Variants in CCDC171 observed in about 807,000 individuals in gnomAD.
The protein encoded by CCDC171 is coiled-coil domain containing 171.
Under a neutral mutation model 168.2 loss-of-function variants are expected in CCDC171, and 177 were observed. The observed-to-expected ratio is 1.05, with a 90% CI of 0.93 to 1.19. The LOEUF is 1.19. CCDC171 is among the 50% of genes most tolerant of loss of function. CCDC171 has a pLI of 0.00. For missense variants in CCDC171, 1,991 were observed against 1,539.0 expected (o/e 1.29, Z -4.91); for synonymous variants, 687 against 540.8 (o/e 1.27, Z -3.75).
chr9:15,946,054 A>G (rs200388033), intron 25 of CCDC171, among the ~76,000 whole-genome samples: 1 of 151,794 alleles, frequency 6.6e-6, no homozygotes, highest in Non-Finnish European at 1.5e-5. Context: ...AATTGATTTT[A>G]GTATAAGGTG....
intron 23 of CCDC171, among the ~76,000 whole-genome samples, chr9:15,859,965 C>T (rs756535096): frequency 6.6e-6 from 1 of 151,790 alleles, no homozygotes; most frequent in Non-Finnish European, 1.5e-5. Context: ...CCACACCCAG[C>T]CTCTGTTCAA....
At chr9:15,947,894 A>G (rs955668713) in intron 25 of CCDC171, among the ~76,000 whole-genome samples, 2 of 151,826 alleles carry the variant, frequency 1.3e-5, no homozygotes, top group Non-Finnish European at 2.9e-5. Context: ...TTACATATGT[A>G]TACATGTGCC....
At chr9:15,906,236 A>G (rs1211586755) in intron 24 of CCDC171, among the ~76,000 whole-genome samples, 1 of 152,188 alleles carries the variant, frequency 6.6e-6, no homozygotes. Flanking sequence ...AGAATTTTAG[A>G]CCAATGTCCT....
chr9:15,916,400 C>G (rs1824517827), intron 24 of CCDC171, among the ~76,000 whole-genome samples: 1 of 75,288 alleles, frequency 1.3e-5, no homozygotes, highest in Non-Finnish European at 3.7e-5. Flanking sequence ...ATGTGTTTTA[C>G]ACAATATATT....
At chr9:15,691,482 C>G (rs2050772546) in intron 10 of CCDC171, among the ~76,000 whole-genome samples, 1 of 141,244 alleles carries the variant, frequency 7.1e-6, no homozygotes, top group Non-Finnish European at 1.5e-5. Context: ...GCATAATATA[C>G]TCAAAGAATT....
intron 6 of CCDC171, among the ~76,000 whole-genome samples, chr9:15,614,876 G>GA (rs1403725444): frequency 1.3e-5 from 2 of 152,084 alleles, no homozygotes; most frequent in Non-Finnish European, 2.9e-5. Flanking sequence ...TTAAGAAGTA[G>GA]AAAATAGAAA....
downstream of CCDC171, among the ~76,000 whole-genome samples, chr9:16,063,002 C>T (rs1014390694): frequency 8.6e-5 from 13 of 152,042 alleles, no homozygotes; most frequent in African/African-American, 3.1e-4. Flanking sequence ...AAGTATGCTC[C>T]TTGGAGTTAG....
At chr9:15,768,243 T>C (rs922842819) in intron 18 of CCDC171, among the ~76,000 whole-genome samples, 2 of 152,138 alleles carry the variant, frequency 1.3e-5, no homozygotes, top group African/African-American at 4.8e-5. Flanking sequence ...ACCCATTTTC[T>C]TAGGCCCAAA....
chr9:15,688,356 C>A (rs1230619570), intron 10 of CCDC171, among the ~76,000 whole-genome samples: 1 of 152,042 alleles, frequency 6.6e-6, no homozygotes, highest in South Asian at 2.1e-4. Context: ...GATAACACTT[C>A]CCATATCATT....
At chr9:15,824,580 T>C (rs1260005618) in intron 21 of CCDC171, among the ~76,000 whole-genome samples, 5 of 152,106 alleles carry the variant, frequency 3.3e-5, no homozygotes, top group Non-Finnish European at 7.4e-5. Flanking sequence ...AACTAAGGTC[T>C]GGATTATGAC....
chr9:16,054,632 T>G (rs1175430590), intron 1 of CCDC171, among the ~76,000 whole-genome samples: 1 of 152,234 alleles, frequency 6.6e-6, no homozygotes, highest in Non-Finnish European at 1.5e-5. Context: ...ACATGGAAAC[T>G]GCCGGCTTCA....
intron 25 of CCDC171, among the ~76,000 whole-genome samples, chr9:15,967,133 A>G (rs1830878544): frequency 6.6e-6 from 1 of 152,160 alleles, no homozygotes; most frequent in South Asian, 2.1e-4. Context: ...AATTTGGCTA[A>G]CTCATCTGAA....
intron 3 of CCDC171, among the ~76,000 whole-genome samples, chr9:15,982,462 C>G (rs1831830558): frequency 6.6e-6 from 1 of 152,146 alleles, no homozygotes; most frequent in Non-Finnish European, 1.5e-5. Flanking sequence ...ACAGTAGTTA[C>G]TGTCTCGGAT....
intron 11 of CCDC171, among the ~76,000 whole-genome samples, chr9:15,710,698 C>T (rs1178212785): frequency 1.3e-5 from 2 of 152,158 alleles, no homozygotes; most frequent in East Asian, 1.9e-4. Flanking sequence ...CAGGTTCAAG[C>T]GATTCTCCTG....
At chr9:15,978,553 C>A (rs1030834909), downstream of CCDC171, among the ~76,000 whole-genome samples, 2 of 152,148 alleles carry the variant, frequency 1.3e-5, no homozygotes, top group African/African-American at 4.8e-5. Flanking sequence ...GGAAGTCCAA[C>A]GTTGATTTTC....
At chr9:15,719,029 C>G (rs1564278520) in intron 11 of CCDC171, among the ~76,000 whole-genome samples, 1 of 151,944 alleles carries the variant, frequency 6.6e-6, no homozygotes, top group East Asian at 1.9e-4. Flanking sequence ...AGATATATGA[C>G]CTTTCAGATA....
At chr9:15,888,578 A>G (rs1165678561) in intron 24 of CCDC171, among the ~76,000 whole-genome samples, 3 of 152,210 alleles carry the variant, frequency 2.0e-5, no homozygotes, top group African/African-American at 4.8e-5. Flanking sequence ...AACTAGCAGA[A>G]TATCATACCA....
intron 25 of CCDC171, among the ~76,000 whole-genome samples, chr9:15,944,823 CTTTT>C (rs752325078): frequency 5.9e-5 from 2 of 33,788 alleles, no homozygotes; most frequent in South Asian, 4.6e-3. Context: ...GGTTAGAATT[CTTTT>C]TCTTTCTTTT....
intron 1 of CCDC171, among the ~76,000 whole-genome samples, chr9:16,054,492 T>C (rs1484150231): frequency 6.6e-6 from 1 of 151,968 alleles, no homozygotes; most frequent in Admixed American, 6.6e-5. Context: ...CATAAGCACC[T>C]TTGTTGTTGT....
Sources: gnomAD v4.1 joint callset for allele counts (sites outside exome capture counted in the v4.1 genomes callset) on GRCh38, gnomAD v4.1.1 for gene constraint, MANE v1.5 for transcripts, NCBI Gene and HGNC (gene_info 2026-07-23, HGNC 2026-07-21) for gene names.